FYB1: variants seen among roughly 807,000 people sequenced by gnomAD.
FYB1 encodes the protein FYN binding protein 1.
FYB1 carries 41 observed loss-of-function variants against 94.1 expected under a neutral mutation model. The ratio of observed to expected loss-of-function variants is 0.44; its 90% CI spans 0.34 to 0.57. FYB1 has a LOEUF of 0.57. FYB1 is among the 20% of genes least tolerant of loss of function. The probability of loss-of-function intolerance (pLI) is 0.02; values close to 1 mark genes in which losing one functional copy is unlikely to be tolerated. For missense variants in FYB1, 1,050 were observed against 976.8 expected (o/e 1.07, Z -1.00); for synonymous variants, 367 against 353.2 (o/e 1.04, Z -0.44).
chr5:39,155,981 A>T (rs1743713941), intron 2 of FYB1, among the ~76,000 whole-genome samples: 1 of 152,206 alleles, frequency 6.6e-6, no homozygotes, highest in Non-Finnish European at 1.5e-5. Flanking sequence ...TAAAAGCTGT[A>T]CCCAAAGAGA....
intron 2 of FYB1, chr5:39,169,300 T>C (rs995729559): frequency 3.7e-6 from 3 of 814,548 alleles, no homozygotes; most frequent in African/African-American, 3.3e-5. Flanking sequence ...ATATATATAA[T>C]CACAAAAACT....
At chr5:39,112,808 T>G (rs1316047815) in intron 16 of FYB1, among the ~76,000 whole-genome samples, 2 of 152,094 alleles carry the variant, frequency 1.3e-5, no homozygotes, top group Non-Finnish European at 1.5e-5. Context: ...TATCTGTGTG[T>G]TCAAGAGTTC....
rs549507182 is a variant in FYB1, at chr5:39,121,003, C to T, written c.2138+1333G>A. Among the ~76,000 whole-genome samples, 243 of 151,706 alleles carry T rather than the reference C, an allele frequency of 1.6e-3. 1 individual carries two copies. Among genetic ancestry groups the T allele is most frequent in the Middle Eastern group, 3.4e-3 (1 of 294 alleles). On this transcript the variant is annotated intron_variant, in intron 14 of 18. Coordinates refer to ENST00000512982, the MANE Select transcript of FYB1 (RefSeq NM_001465.6). ...TTGAAATTTATTTAAAAATAGAATA[C>T]GACATTAGAGAACACAAACTTGCTT...
At chr5:39,162,691 A>C (rs1744364800) in intron 2 of FYB1, among the ~76,000 whole-genome samples, 1 of 149,788 alleles carries the variant, frequency 6.7e-6, no homozygotes, top group Admixed American at 6.8e-5. Context: ...AAAAAAAAAA[A>C]GTTTTGGTAA....
intron 3 of FYB1, among the ~76,000 whole-genome samples, chr5:39,152,738 T>C (rs1478808870): frequency 1.3e-5 from 2 of 152,184 alleles, no homozygotes; most frequent in African/African-American, 4.8e-5. Flanking sequence ...CTGAAAAATA[T>C]CATCTAAGAA....
intron 16 of FYB1, chr5:39,110,734 T>C (rs1318492125): frequency 6.7e-6 from 2 of 299,106 alleles, no homozygotes; most frequent in Non-Finnish European, 6.4e-6. Context: ...TAGGAAGAAT[T>C]TAGTAAGCAT....
chr5:39,130,792 C>G (rs1487125011), intron 9 of FYB1, among the ~76,000 whole-genome samples, 180 bp from the exon 10 acceptor site: 1 of 151,832 alleles, frequency 6.6e-6, no homozygotes, highest in African/African-American at 2.4e-5. Context: ...AATGACAAGG[C>G]AACAAAACAA....
chr5:39,201,726 T>C lies in FYB1; in HGVS notation c.1135+100A>G, dbSNP rs1207407121. The C allele has an allele frequency of 2.9e-6, 3 of 1,049,982 alleles. No individual in the cohort carries two copies. The East Asian group carries it at 7.6e-5, about 27-fold the overall frequency. The allele number at this position is 1,049,982 out of a possible 1,614,324, so 65.0% of individuals were successfully genotyped here. A position where few individuals can be genotyped will look rare whatever the true frequency, so the allele number is the denominator to read the frequency against. On this transcript the variant is annotated intron_variant, in intron 2 of 18. Transcript: ENST00000512982. The stretch of plus-strand genomic sequence containing the variant: ...TCATTATACACATATGAGTACCAGA[T>C]ATAGAGAATCATTCCTTGTTACAAA...
chr5:39,261,562 C>T (rs834519), intron 1 of FYB1, among the ~76,000 whole-genome samples: 3,750 of 152,078 alleles, frequency 0.025, 162 homozygotes, highest in African/African-American at 0.086. Context: ...ACCTGGCTAA[C>T]GTGGTGAAAC....
Position 39,179,609 on chromosome 5 carries a change from G to A in FYB1, c.1135+22217C>T, listed in dbSNP as rs368245682. Among the ~76,000 whole-genome samples, 10 of 148,738 alleles carry A rather than the reference G, an allele frequency of 6.7e-5. No individual in the cohort carries two copies. In the South Asian group the frequency reaches 8.6e-4, roughly 13 times the overall value. ...TGCCCAGGCTGGAGTGCAGTGGTGC[G>A]ATCTCAACTCACTGCAACCTCTGCC... On this transcript the variant is annotated intron_variant, in intron 2 of 18. Coordinates refer to ENST00000512982, the MANE Select transcript of FYB1 (RefSeq NM_001465.6).
At chr5:39,270,205 G>A (rs952779744) in intron 1 of FYB1, among the ~76,000 whole-genome samples, 3 of 151,976 alleles carry the variant, frequency 2.0e-5, no homozygotes, top group Non-Finnish European at 2.9e-5. Context: ...CCCAACATTC[G>A]CCACTGGAGT....
intron 2 of FYB1, among the ~76,000 whole-genome samples, chr5:39,186,401 C>T (rs1024724532): frequency 3.3e-5 from 5 of 151,932 alleles, no homozygotes; most frequent in African/African-American, 1.2e-4. Flanking sequence ...TCCAGCCTGG[C>T]GACAGAGTGA....
chr5:39,168,214 A>G (rs1239584910), intron 2 of FYB1, among the ~76,000 whole-genome samples: 1 of 152,162 alleles, frequency 6.6e-6, no homozygotes, highest in Non-Finnish European at 1.5e-5. Context: ...GTAATCAGGA[A>G]TATTTCTCTT....
chr5:39,177,236 C>T (rs1221183942), intron 2 of FYB1, among the ~76,000 whole-genome samples: 2 of 152,126 alleles, frequency 1.3e-5, no homozygotes, highest in African/African-American at 4.8e-5. Context: ...TGTGGCTAAC[C>T]TCCAAAGTTT....
intron 1 of FYB1, among the ~76,000 whole-genome samples, chr5:39,244,020 A>T (rs1751344188): frequency 6.6e-6 from 1 of 152,202 alleles, no homozygotes; most frequent in Admixed American, 6.5e-5. Flanking sequence ...GAAGTTGCTT[A>T]TCAGCTTAAG....
rs79357339 is a variant in FYB1, at chr5:39,226,879, C to T, written c.-27-23892G>A. On this transcript the variant is annotated intron_variant, in intron 1 of 1. Coordinates refer to the FYB1 transcript ENST00000510188. Reference sequence around the variant, plus strand: ...TTAGTGCAGCATCAGGTGCTTAGGCCCTCAATAAATGTCAATAAAAGAAGG... The same window carrying T: ...TTAGTGCAGCATCAGGTGCTTAGGCTCTCAATAAATGTCAATAAAAGAAGG... Among the ~76,000 whole-genome samples the T allele has an allele frequency of 1.7e-4, 26 of 152,192 alleles. No individual in the cohort carries two copies. The East Asian group carries it at 3.9e-3, about 23-fold the overall frequency.
intron 1 of FYB1, chr5:39,270,589 G>C (rs1339695158): frequency 1.3e-6 from 2 of 1,535,048 alleles, no homozygotes; most frequent in South Asian, 1.2e-5. Flanking sequence ...GAAAAGAGTT[G>C]ATATGCCTGG....
chr5:39,125,021 G>A (rs1030337766), intron 12 of FYB1, among the ~76,000 whole-genome samples: 1 of 151,458 alleles, frequency 6.6e-6, no homozygotes, highest in Admixed American at 6.6e-5. Flanking sequence ...AGAATAGAAT[G>A]TGAGGGATCA....
chr5:39,168,784 G>A (rs1476717220), intron 2 of FYB1, among the ~76,000 whole-genome samples: 1 of 147,832 alleles, frequency 6.8e-6, no homozygotes, highest in Non-Finnish European at 1.5e-5. Flanking sequence ...TAATGAATAT[G>A]TAATAATCAT....
Sources: allele counts gnomAD v4.1 joint callset (sites outside exome capture counted in the v4.1 genomes callset), GRCh38; gene constraint gnomAD v4.1.1; transcripts MANE v1.5; gene names NCBI Gene and HGNC (gene_info 2026-07-23, HGNC 2026-07-21).